Variants in CALN1 observed in about 807,000 individuals in gnomAD.
The protein encoded by CALN1 is calcium-binding protein 8.
A neutral mutation model predicts 30.6 loss-of-function variants in CALN1; 17 were observed. The ratio of observed to expected loss-of-function variants is 0.56; its 90% CI spans 0.38 to 0.83. The LOEUF is 0.83. CALN1 is among the 40% of genes least tolerant of loss of function. CALN1 has a pLI of 0.00. For synonymous variants in CALN1, 156 were observed against 131.4 expected, an observed-to-expected ratio of 1.19 and a Z score of -1.28; for missense variants, 291 against 354.9, an observed-to-expected ratio of 0.82 and a Z score of 1.45.
At chr7:72,224,766 G>A (rs1247366462) in intron 3 of CALN1, among the ~76,000 whole-genome samples, 4 of 149,294 alleles carry the variant, frequency 2.7e-5, no homozygotes, top group Non-Finnish European at 4.4e-5. Flanking sequence ...AGGCAACACC[G>A]TGAGACCCTG....
chr7:72,435,529 T>C (rs1808127694), intron 1 of CALN1, among the ~76,000 whole-genome samples: 2 of 152,176 alleles, frequency 1.3e-5, no homozygotes, highest in Non-Finnish European at 2.9e-5. Context: ...TTCCTTCCCC[T>C]GGGACCACAA....
chr7:71,851,208 A>AACACACACACACACAC (rs56041427), intron 5 of CALN1, among the ~76,000 whole-genome samples: 84 of 132,176 alleles, frequency 6.4e-4, no homozygotes, highest in Non-Finnish European at 1.0e-3. Flanking sequence ...CCTTGTCTCA[A>AACACACACACACACAC]ACACACACAC....
At chr7:71,966,792 T>C (rs1019695137) in intron 5 of CALN1, among the ~76,000 whole-genome samples, 1 of 152,202 alleles carries the variant, frequency 6.6e-6, no homozygotes, top group African/African-American at 2.4e-5. Context: ...ACTACCCCCA[T>C]TGAAAGCCTA....
intron 2 of CALN1, among the ~76,000 whole-genome samples, chr7:72,338,469 C>A: frequency 2.4e-5 from 1 of 41,946 alleles, no homozygotes; most frequent in African/African-American, 7.5e-5. Context: ...GCCAGCAGCA[C>A]AGTGTGTGTG....
chr7:72,079,806 C>T (rs1221802781), intron 4 of CALN1, among the ~76,000 whole-genome samples: 7 of 140,638 alleles, frequency 5.0e-5, no homozygotes, highest in East Asian at 2.1e-4. Flanking sequence ...GGCCTCACTC[C>T]GTCGCCCAGG....
At position 71,782,754 on chromosome 7, in the gene CALN1, A is replaced by AT. The variant is rs1448248662; in HGVS notation, c.*5020dup. 5.9e-5 allele frequency: 9 copies of AT among 152,092 alleles called. No individual in the cohort carries two copies. In the East Asian group the frequency reaches 1.2e-3, roughly 20 times the overall value. The allele number at this position is 152,092 out of a possible 1,614,324, so 9.4% of individuals were successfully genotyped here. A position where few individuals can be genotyped will look rare whatever the true frequency, so the allele number is the denominator to read the frequency against. ...TGAATAATGTTTCTTTTTTAAAATTATTTTTTGAGATGAAGTTTTGCTCTG... is the reference window on the plus strand; with the variant it reads ...TGAATAATGTTTCTTTTTTAAAATTATTTTTTTGAGATGAAGTTTTGCTCTG... On this transcript the variant is annotated 3_prime_UTR_variant, in exon 7 of 7. Coordinates refer to ENST00000395275, the MANE Select transcript of CALN1 (RefSeq NM_031468.4).
chr7:72,405,433 CA>C (rs1360522011), intron 1 of CALN1, among the ~76,000 whole-genome samples: 3 of 152,136 alleles, frequency 2.0e-5, no homozygotes, highest in Non-Finnish European at 4.4e-5. Context: ...AGGCAAAGGG[CA>C]AACAGGCATG....
At chr7:71,845,685 G>A (rs1376716380) in intron 5 of CALN1, among the ~76,000 whole-genome samples, 1 of 152,142 alleles carries the variant, frequency 6.6e-6, no homozygotes, top group African/African-American at 2.4e-5. Context: ...ACTCTGGGGT[G>A]GCATCCAGCA....
rs112492961 is a variant in CALN1 at position 71,989,283 on chromosome 7, C to G, written c.501+34374G>C. On this transcript the variant is annotated intron_variant, in intron 5 of 6. Transcript: ENST00000395275. ...TGAAACCCCGTCTCTACTAAAAACACAAAAATTAGCTGGGCGTGATGGCAT... is the reference window on the plus strand; with the variant it reads ...TGAAACCCCGTCTCTACTAAAAACAGAAAAATTAGCTGGGCGTGATGGCAT... Among the ~76,000 whole-genome samples the G allele has an allele frequency of 9.8e-3, 1,486 of 152,082 alleles. 28 individuals carry two copies. The highest frequency in any genetic ancestry group is 0.032 in the African/African-American group (1,314 of 41,476).
At chr7:72,365,538 TC>T (rs1803827066) in intron 2 of CALN1, among the ~76,000 whole-genome samples, 1 of 151,982 alleles carries the variant, frequency 6.6e-6, no homozygotes, top group African/African-American at 2.4e-5. Context: ...CAAGCGATCC[TC>T]CTACCTTAAA....
At chr7:71,952,505 G>A (rs1318913075) in intron 5 of CALN1, among the ~76,000 whole-genome samples, 1 of 152,200 alleles carries the variant, frequency 6.6e-6, no homozygotes, top group East Asian at 1.9e-4. Flanking sequence ...CCCTTGGCCA[G>A]GCGGCAATGC....
At chr7:72,432,782 G>A (rs988542373) in intron 1 of CALN1, among the ~76,000 whole-genome samples, 1 of 152,124 alleles carries the variant, frequency 6.6e-6, no homozygotes, top group African/African-American at 2.4e-5. Flanking sequence ...TCTGAAGTTG[G>A]CTACTTTATG....
At chr7:72,178,517 C>A (rs1789532762) in intron 3 of CALN1, among the ~76,000 whole-genome samples, 1 of 151,898 alleles carries the variant, frequency 6.6e-6, no homozygotes, top group Non-Finnish European at 1.5e-5. Context: ...ATGGTGAAAC[C>A]CTCTTTACTG....
At chr7:72,029,542 G>C (rs980773835) in intron 4 of CALN1, among the ~76,000 whole-genome samples, 1 of 152,130 alleles carries the variant, frequency 6.6e-6, no homozygotes, top group Non-Finnish European at 1.5e-5. Flanking sequence ...ATGATCACCA[G>C]AAACACCAAA....
At chr7:71,803,941 TGTGTGTGC>T (rs1787453577) in intron 6 of CALN1, among the ~76,000 whole-genome samples, 1 of 18,012 alleles carries the variant, frequency 5.6e-5, no homozygotes, top group Non-Finnish European at 1.0e-4. Flanking sequence ...TATTTGTGTA[TGTGTGTGC>T]GTGTGTGTGT....
intron 4 of CALN1, among the ~76,000 whole-genome samples, chr7:72,028,717 C>T (rs112388929): frequency 9.9e-5 from 15 of 152,276 alleles, no homozygotes; most frequent in African/African-American, 3.1e-4. Context: ...ATTGGCCAGG[C>T]GCAGTGGCTC....
Position 71,961,068 on chromosome 7 carries a change from T to C in CALN1, c.501+62589A>G, listed in dbSNP as rs559458809. 5.3e-5 allele frequency among the ~76,000 whole-genome samples: 8 copies of C among 152,294 alleles called. No homozygotes were observed. The East Asian group carries it at 1.4e-3, about 26-fold the overall frequency. ...CTGACCTCAGGTGATCTGTTTGCCT[T>C]GGCCTCCCAAAGTGCTGGAATTACA... On this transcript the variant is annotated intron_variant, in intron 5 of 6. Coordinates refer to ENST00000395275, the MANE Select transcript of CALN1 (RefSeq NM_031468.4).
At chr7:72,325,840 A>G (rs1263634145) in intron 2 of CALN1, among the ~76,000 whole-genome samples, 1 of 152,132 alleles carries the variant, frequency 6.6e-6, no homozygotes, top group African/African-American at 2.4e-5. Flanking sequence ...TGAAAATGCA[A>G]TAACCTCGCA....
At chr7:71,959,836 T>A (rs1319418181) in intron 5 of CALN1, among the ~76,000 whole-genome samples, 4 of 152,028 alleles carry the variant, frequency 2.6e-5, no homozygotes, top group Non-Finnish European at 5.9e-5. Flanking sequence ...TATTCTTTTT[T>A]AAAAATGCAT....
Sources: gnomAD v4.1 joint callset for allele counts (sites outside exome capture counted in the v4.1 genomes callset) on GRCh38, gnomAD v4.1.1 for gene constraint, MANE v1.5 for transcripts, NCBI Gene and HGNC (gene_info 2026-07-23, HGNC 2026-07-21) for gene names.